Variants in ERCC6 observed in about 807,000 individuals in gnomAD.
ERCC6 encodes the protein DNA excision repair protein ERCC-6.
In ERCC6, 116 loss-of-function variants were observed where a neutral mutation model predicts 158.7. The ratio of observed to expected loss-of-function variants is 0.73; its 90% CI spans 0.63 to 0.85. The LOEUF is 0.85. Ranked by LOEUF, ERCC6 falls within the 40% of genes least tolerant of loss-of-function variation. ERCC6 has a pLI of 0.00. For missense variants in ERCC6, 1,698 were observed against 1,799.4 expected (o/e 0.94, Z 1.02); for synonymous variants, 678 against 659.3 (o/e 1.03, Z -0.43).
intron 10 of ERCC6, among the ~76,000 whole-genome samples, chr10:49,480,465 G>A (rs1850957719): frequency 6.6e-6 from 1 of 152,104 alleles, no homozygotes. Flanking sequence ...AAGGCAACAT[G>A]GTCTCAAACA....
chr10:49,532,540 C>T lies in ERCC6; in HGVS notation c.422+3G>A. On this transcript the variant is annotated splice_donor_region_variant and intron_variant, in intron 2 of 20. Transcript: ENST00000355832. The stretch of plus-strand genomic sequence containing the variant: ...TGAAAGGAAGAAGATGGGCTGCACT[C>T]ACGTGAGGTCATCCAGGACCGACCG... The T allele has an allele frequency of 6.2e-7, 1 of 1,613,624 alleles. No individual in the cohort carries two copies. The highest frequency in any genetic ancestry group is 8.5e-7 in the Non-Finnish European group (1 of 1,180,034).
the ERCC6 span, among the ~76,000 whole-genome samples, chr10:49,446,678 TGAGG>T: frequency 6.6e-6 from 1 of 152,088 alleles, no homozygotes; most frequent in Non-Finnish European, 1.5e-5. Flanking sequence ...CTTGGGAGGC[TGAGG>T]CGGGAGGATC....
chr10:49,500,569 T>C lies in ERCC6; in HGVS notation c.1654A>G (p.Ser552Gly), dbSNP rs1164135155. The change falls in exon 7 of 21, where the codon AGC (serine) becomes GGC (glycine). Residue 552 changes from serine (S) to glycine (G), a missense_variant. By Grantham distance (56) the Ser-to-Gly change is moderately conservative. Coordinates refer to ENST00000355832, the MANE Select transcript of ERCC6 (RefSeq NM_000124.4). ...TTTGAACCACGAGTCCTGATCTTGC[T>C]GTAGCTCAGACCTGCCAAGAAGGCA... The part of the protein sequence containing the change: ...IIAFLAGLSY[S>G]KIRTRGSNYR... 1 of 1,614,014 alleles carries C rather than the reference T, an allele frequency of 6.2e-7. No individual in the cohort carries two copies. The highest frequency in any genetic ancestry group is 1.1e-5 in the South Asian group (1 of 91,086).
chr10:49,472,947 T>G lies in ERCC6; in HGVS notation c.2791A>C (p.Ile931Leu), dbSNP rs776817300. The change falls in exon 15 of 21, where the codon ATC (isoleucine) becomes CTC (leucine). Residue 931 changes from isoleucine (I) to leucine (L), a missense_variant. Coordinates refer to ENST00000355832, the MANE Select transcript of ERCC6 (RefSeq NM_000124.4). ...CTTGGGTTCCAGTCTGGGTCATAGA[T>G]GACAACTCTGTTTGCCCCCGTCAGG... Reference protein sequence around the residue: ...VNLTGANRVVIYDPDWNPSTD... With the variant: ...VNLTGANRVVLYDPDWNPSTD... The G allele has an allele frequency of 1.8e-5, 29 of 1,613,790 alleles. No homozygotes were observed. Among genetic ancestry groups the G allele is most frequent in the Non-Finnish European group, 2.5e-5 (29 of 1,179,858 alleles).
At chr10:49,444,257 T>C in the ERCC6 span, among the ~76,000 whole-genome samples, 2 of 152,186 alleles carry the variant, frequency 1.3e-5, no homozygotes, top group African/African-American at 4.8e-5. Flanking sequence ...GCCTTCACCC[T>C]ACTGAGACTC....
chr10:49,464,901 G>A (rs1370473935), intron 18 of ERCC6, among the ~76,000 whole-genome samples: 2 of 152,254 alleles, frequency 1.3e-5, no homozygotes, highest in Non-Finnish European at 2.9e-5. Flanking sequence ...GGTTCTCATG[G>A]AGAATCTCTC....
intron 5 of ERCC6, chr10:49,516,963 T>C (rs746051443): frequency 1.2e-6 from 2 of 1,614,102 alleles, no homozygotes; most frequent in Non-Finnish European, 1.7e-6. Flanking sequence ...TGGCAGATTA[T>C]TTATTGTTCC....
At chr10:49,453,286 T>C (rs1354024658), downstream of ERCC6, among the ~76,000 whole-genome samples, 3 of 152,174 alleles carry the variant, frequency 2.0e-5, no homozygotes, top group East Asian at 1.9e-4. Context: ...CAATAATATA[T>C]AGAAGCTTTA....
intron 4 of ERCC6, among the ~76,000 whole-genome samples, chr10:49,527,161 A>C (rs1216081707): frequency 6.6e-6 from 1 of 152,158 alleles, no homozygotes; most frequent in Non-Finnish European, 1.5e-5. Context: ...TTAACCCTAG[A>C]CAATGTAGCT....
Position 49,514,210 on chromosome 10 carries a change from C to T in ERCC6, c.1398-8198G>A, listed in dbSNP as rs184697684. 6.6e-5 allele frequency among the ~76,000 whole-genome samples: 10 copies of T among 152,232 alleles called. No individual in the cohort carries two copies. The East Asian group carries it at 7.7e-4, about 12-fold the overall frequency. On this transcript the variant is annotated intron_variant, in intron 5 of 20. Transcript: ENST00000355832. ...GTACAATAACATGATTCCTTCCCCA[C>T]CTTAATAGTGTGCAAAGTAAGTCAA...
At chr10:49,535,722 A>C (rs914844476) in intron 1 of ERCC6, among the ~76,000 whole-genome samples, 2 of 152,266 alleles carry the variant, frequency 1.3e-5, no homozygotes, top group African/African-American at 4.8e-5. Context: ...GTTAAAAATA[A>C]AGAAGTTTGG....
chr10:49,449,467 T>C (rs1850394181), downstream of ERCC6, among the ~76,000 whole-genome samples: 1 of 152,046 alleles, frequency 6.6e-6, no homozygotes, highest in Non-Finnish European at 1.5e-5. Context: ...GTGTTTTTAA[T>C]GTCATATCTT....
chr10:49,451,032 T>C (rs1850414713), downstream of ERCC6, among the ~76,000 whole-genome samples: 1 of 152,026 alleles, frequency 6.6e-6, no homozygotes, highest in Non-Finnish European at 1.5e-5. Context: ...AGGATGGTCT[T>C]GATCTCCTGA....
chr10:49,483,233 G>T, intron 9 of ERCC6, 113 bp downstream of exon 9: 1 of 1,128,464 alleles, frequency 8.9e-7, no homozygotes, highest in Non-Finnish European at 1.3e-6. Flanking sequence ...TAAATTTCTT[G>T]TGCAGTTGGC....
At chr10:49,476,366 A>C in intron 11 of ERCC6, 56 bp from the exon 12 acceptor site, 9 of 1,203,348 alleles carry the variant, frequency 7.5e-6, no homozygotes, top group Non-Finnish European at 1.1e-5. Flanking sequence ...TAACAGAAAT[A>C]ATTAAAATAT....
At chr10:49,437,601 TG>T in the ERCC6 span, among the ~76,000 whole-genome samples, 1 of 152,174 alleles carries the variant, frequency 6.6e-6, no homozygotes, top group Non-Finnish European at 1.5e-5. Context: ...AGTGGGTTCA[TG>T]GGTGCTTACT....
chr10:49,467,719 C>T (rs1488220941), intron 18 of ERCC6, among the ~76,000 whole-genome samples: 2 of 151,928 alleles, frequency 1.3e-5, no homozygotes, highest in Non-Finnish European at 2.9e-5. Flanking sequence ...GTGTATGCTA[C>T]CACACCCGGC....
chr10:49,472,879 C>A, intron 15 of ERCC6, 30 bp downstream of exon 15: 2 of 1,606,448 alleles, frequency 1.2e-6, no homozygotes, highest in Non-Finnish European at 1.7e-6. Flanking sequence ...TCTACTAATA[C>A]ATTCTTTTAA....
At position 49,524,740 on chromosome 10, in the gene ERCC6, A is replaced by G; in HGVS notation, c.690T>C (p.Pro230=). The G allele has an allele frequency of 6.2e-7, 1 of 1,604,868 alleles. No individual in the cohort carries two copies. Among genetic ancestry groups the G allele is most frequent in the East Asian group, 2.2e-5 (1 of 44,860 alleles). Residue 230 remains proline, a synonymous_variant, in exon 5 of 21, where the codon CCT becomes CCC. Transcript: ENST00000355832. ...GCTCTTCCCAGGCAGTCTCCTGGAC[A>G]GGCATGAGCATGCTGCCAAGACTGG... ...GPSSLGSMLM[P]VQETAWEELI...
Sources: gnomAD v4.1 joint callset for allele counts (sites outside exome capture counted in the v4.1 genomes callset) on GRCh38, gnomAD v4.1.1 for gene constraint, MANE v1.5 for transcripts, NCBI Gene and HGNC (gene_info 2026-07-23, HGNC 2026-07-21) for gene names.